The following LRP1 variants were observed in gnomAD, a reference collection of about 807,000 sequenced individuals.
LRP1 encodes prolow-density lipoprotein receptor-related protein 1.
LRP1 carries 51 observed loss-of-function variants against 541.5 expected under a neutral mutation model. That is an observed-to-expected ratio of 0.09 (90% confidence interval 0.08 to 0.12). The LOEUF (loss-of-function observed/expected upper bound fraction) is 0.12, where lower values mean the gene tolerates loss of function less well. LRP1 is among the 10% of genes least tolerant of loss of function. The pLI is 1.00. For synonymous variants in LRP1, 2,219 were observed against 2,470.8 expected (o/e 0.90, Z 3.02); for missense variants, 3,878 against 6,376.2 (o/e 0.61, Z 13.34).
chr12:57,196,999 C>T lies in LRP1; in HGVS notation c.8910C>T (p.Gly2970=). 1 of 1,612,372 alleles carries T rather than the reference C, an allele frequency of 6.2e-7. No homozygotes were observed. Residue 2970 remains glycine, a synonymous_variant, in exon 56 of 89, where the codon GGC becomes GGT. Transcript: ENST00000243077. The part of the protein sequence containing the change: ...KIGFKCRCRP[G]FRLKDDGRTC... Reference sequence around the variant, plus strand: ...GCCTGCAGTGCCGCTGTCGCCCTGGCTTCCGGCTGAAGGACGACGGCCGGA... The same window carrying T: ...GCCTGCAGTGCCGCTGTCGCCCTGGTTTCCGGCTGAAGGACGACGGCCGGA...
chr12:57,149,474 C>A, intron 6 of LRP1: 1 of 606,340 alleles, frequency 1.6e-6, no homozygotes. Context: ...CCAGCACTCC[C>A]CTTGCTGTTT....
chr12:57,209,380 C>A (rs565883580), intron 79 of LRP1, among the ~76,000 whole-genome samples, 181 bp downstream of exon 79: 1 of 152,244 alleles, frequency 6.6e-6, no homozygotes, highest in Admixed American at 6.5e-5. Context: ...AGGCCTGAGA[C>A]CCACCCTGAC....
intron 61 of LRP1, 84 bp downstream of exon 61, chr12:57,199,484 A>G (rs545842177): frequency 7.0e-7 from 1 of 1,438,600 alleles, no homozygotes; most frequent in East Asian, 2.3e-5. Context: ...CTTCTCTAGC[A>G]TTGACCAAGC....
chr12:57,211,187 G>A lies in LRP1; in HGVS notation c.12928G>A (p.Gly4310Ser), dbSNP rs1246062543. The A allele has an allele frequency of 2.5e-6, 4 of 1,614,070 alleles. No homozygotes were observed. The highest frequency in any genetic ancestry group is 1.7e-5 in the Admixed American group (1 of 60,014). Reference protein sequence around the residue: ...GDRCQYRQCSGYCENFGTCQM... With the variant: ...GDRCQYRQCSSYCENFGTCQM... Reference sequence around the variant, plus strand: ...CTCCCCAACCACAGGGCAGTGCTCTGGCTACTGTGAGAACTTTGGCACATG... The same window carrying A: ...CTCCCCAACCACAGGGCAGTGCTCTAGCTACTGTGAGAACTTTGGCACATG... The change falls in exon 84 of 89, where the codon GGC becomes AGC. Residue 4310 changes from glycine to serine, a missense_variant. Physicochemically the swap from Gly to Ser is moderately conservative, Grantham distance 56. Transcript: ENST00000243077. The surrounding 1 kb of genome is among the most constrained non-coding windows in gnomAD (Gnocchi z 4.3).
At position 57,165,581 on chromosome 12, in the gene LRP1, C is replaced by T. The variant is rs2035822398; in HGVS notation, c.2531-224C>T. The T allele has an allele frequency of 1.9e-6, 1 of 533,716 alleles. No individual in the cohort carries two copies. The highest frequency in any genetic ancestry group is 3.3e-6 in the Non-Finnish European group (1 of 298,734). The allele number at this position is 533,716 out of a possible 1,614,324, so 33.1% of individuals were successfully genotyped here. A position where few individuals can be genotyped will look rare whatever the true frequency, so the allele number is the denominator to read the frequency against. ...GACACCATTTGATTCTCAGGTCACACTGAAGTACAGTAAGCATTAAGTAGA... is the reference window on the plus strand; with the variant it reads ...GACACCATTTGATTCTCAGGTCACATTGAAGTACAGTAAGCATTAAGTAGA... On this transcript the variant is annotated intron_variant, in intron 15 of 88. Transcript: ENST00000243077. The surrounding 1 kb of genome is among the most constrained non-coding windows in gnomAD (Gnocchi z 4.5).
In LRP1 at chr12:57,194,457, T is replaced by C. The variant is rs760007090; in HGVS notation, c.8022T>C (p.Asp2674=). ...GCTACGCACCCAGCTGGGTGTGTGA[T>C]GGCGCCAATGACTGTGGGGACTACA... ...SLCYAPSWVC[D]GANDCGDYSD... The change falls in exon 49 of 89, where the codon GAT becomes GAC. Residue 2674 remains aspartate (D), a synonymous_variant. Transcript: ENST00000243077. 6.4e-7 allele frequency: 1 copy of C among 1,568,000 alleles called. No homozygotes were observed. The highest frequency in any genetic ancestry group is 8.7e-7 in the Non-Finnish European group (1 of 1,155,538).
chr12:57,210,460 C>T lies in LRP1; in HGVS notation c.12734C>T (p.Thr4245Ile), dbSNP rs781565834. Reference protein sequence around the residue: ...QCWEHCRNGGTCAASPSGMPT... With the variant: ...QCWEHCRNGGICAASPSGMPT... ...TGGGAGCACTGTCGCAATGGGGGCACCTGTGCTGCCTCCCCCTCTGGTATG... is the reference window on the plus strand; with the variant it reads ...TGGGAGCACTGTCGCAATGGGGGCATCTGTGCTGCCTCCCCCTCTGGTATG... The change falls in exon 82 of 89, where the codon ACC (threonine) becomes ATC (isoleucine). Residue 4245 changes from threonine (T) to isoleucine (I), a missense_variant. Thr to Ile is a moderately conservative substitution (Grantham distance 89, BLOSUM62 -1). Transcript: ENST00000243077. 4.6e-6 allele frequency: 7 copies of T among 1,533,354 alleles called. No individual in the cohort carries two copies. The Admixed American group carries it at 6.0e-5, about 13-fold the overall frequency. 95.0% of individuals were successfully genotyped at this position (1,533,354 alleles called of 1,614,324 possible).
In LRP1 at chr12:57,197,665, G is replaced by A; in HGVS notation, c.9282+1G>A. ...GCACCTTAACGGGAGCAATGTGCAG[G>A]TGAGGCGGGCGGCCCTCGGCGACCA... On this transcript the variant is annotated splice_donor_variant, in intron 58 of 88. Coordinates refer to ENST00000243077, the MANE Select transcript of LRP1 (RefSeq NM_002332.3). LOFTEE classifies it high-confidence loss of function. This position sits in a 1 kb window ranked among gnomAD's most constrained non-coding sequence, Gnocchi z 4.5. The A allele has an allele frequency of 6.2e-7, 1 of 1,613,008 alleles. No individual in the cohort carries two copies. The highest frequency in any genetic ancestry group is 8.5e-7 in the Non-Finnish European group (1 of 1,179,680).
At chr12:57,203,788 A>G in intron 70 of LRP1, 1 of 457,480 alleles carries the variant, frequency 2.2e-6, no homozygotes, top group Non-Finnish European at 3.8e-6. Context: ...GAAATCCAGC[A>G]AACCCTGAGG....
At chr12:57,167,824 G>A (rs1365193484) in intron 19 of LRP1, among the ~76,000 whole-genome samples, 2 of 152,230 alleles carry the variant, frequency 1.3e-5, no homozygotes. Flanking sequence ...CAGAGAGGCA[G>A]AGCAAGGAGA....
In LRP1 at chr12:57,178,686, G is replaced by T. The variant is rs1490288064; in HGVS notation, c.4606+83G>T. 6.3e-7 allele frequency: 1 copy of T among 1,588,846 alleles called. No individual in the cohort carries two copies. Among genetic ancestry groups the T allele is most frequent in the Non-Finnish European group, 8.6e-7 (1 of 1,165,542 alleles). On this transcript the variant is annotated intron_variant, in intron 27 of 88. Coordinates refer to ENST00000243077, the MANE Select transcript of LRP1 (RefSeq NM_002332.3). This position sits in a 1 kb window ranked among gnomAD's most constrained non-coding sequence, Gnocchi z 5.8. ...GTAGAAGCTCTTAGGAGAGGAGAGG[G>T]CAGTGAGAACAGGAGCAAGTCTGTG...
intron 6 of LRP1, chr12:57,149,174 A>G: frequency 2.3e-6 from 1 of 443,532 alleles, no homozygotes; most frequent in Non-Finnish European, 4.0e-6. Flanking sequence ...GCACTTCCAG[A>G]CTTCACATGT....
In LRP1 at chr12:57,197,682, C is replaced by T. The variant is rs367828796; in HGVS notation, c.9282+18C>T. 163 of 1,609,970 alleles carry T rather than the reference C, an allele frequency of 1.0e-4. No homozygotes were observed. Among genetic ancestry groups the T allele is most frequent in the South Asian group, 3.0e-4 (27 of 90,904 alleles). On this transcript the variant is annotated intron_variant, in intron 58 of 88. Coordinates refer to ENST00000243077, the MANE Select transcript of LRP1 (RefSeq NM_002332.3). The surrounding 1 kb of genome is among the most constrained non-coding windows in gnomAD (Gnocchi z 4.5). Reference sequence around the variant, plus strand: ...ATGTGCAGGTGAGGCGGGCGGCCCTCGGCGACCAACACTGGCCCGCCTCAG... The same window carrying T: ...ATGTGCAGGTGAGGCGGGCGGCCCTTGGCGACCAACACTGGCCCGCCTCAG...
At chr12:57,167,560 G>C in intron 19 of LRP1, 36 bp downstream of exon 19, 30 of 1,559,276 alleles carry the variant, frequency 1.9e-5, no homozygotes, top group Non-Finnish European at 2.6e-5. Flanking sequence ...TGATTCCTAA[G>C]ACAGCTAGAG....
rs1430941455 is a variant in LRP1, at chr12:57,180,010, G to A, written c.5142-37G>A. On this transcript the variant is annotated intron_variant, in intron 30 of 88. Coordinates refer to ENST00000243077, the MANE Select transcript of LRP1 (RefSeq NM_002332.3). ...ATGGGGTGTGGGGCTGGGAAGAAGA[G>A]GACCCTGACCTTTCCCTCTTGGCAC... 6.8e-6 allele frequency: 11 copies of A among 1,613,432 alleles called. No individual in the cohort carries two copies. In the East Asian group the frequency reaches 2.5e-4, roughly 36 times the overall value.
chr12:57,202,585 C>T, intron 68 of LRP1, 48 bp downstream of exon 68: 1 of 1,421,070 alleles, frequency 7.0e-7, no homozygotes, highest in Non-Finnish European at 9.5e-7. Context: ...CCAGGCCTGG[C>T]CCTTGTCTCG....
intron 67 of LRP1, 75 bp from the exon 68 acceptor site, chr12:57,202,346 C>G (rs544839233): frequency 1.7e-6 from 2 of 1,197,656 alleles, no homozygotes; most frequent in Admixed American, 1.7e-5. Flanking sequence ...GCCAGGCCAG[C>G]CTGACCATGC....
rs762906244 is a variant in LRP1, at chr12:57,210,721, T to C, written c.12758T>C (p.Met4253Thr). 1.2e-6 allele frequency: 2 copies of C among 1,607,972 alleles called. No homozygotes were observed. Among genetic ancestry groups the C allele is most frequent in the Non-Finnish European group, 1.7e-6 (2 of 1,175,554 alleles). ...CTCACACATCCTCTCCCACCAGGCA[T>C]GCCCACGTGCCGGTGCCCCACGGGC... ...GGTCAASPSG[M>T]PTCRCPTGFT... The change falls in exon 83 of 89, where the codon ATG (methionine) becomes ACG (threonine). Residue 4253 changes from methionine (M) to threonine (T), a missense_variant. Coordinates refer to ENST00000243077, the MANE Select transcript of LRP1 (RefSeq NM_002332.3).
chr12:57,177,695 G>A lies in LRP1; in HGVS notation c.4361+104G>A. 1 of 1,344,300 alleles carries A rather than the reference G, an allele frequency of 7.4e-7. No homozygotes were observed. The highest frequency in any genetic ancestry group is 1.0e-6 in the Non-Finnish European group (1 of 975,214). 83.3% of individuals were successfully genotyped at this position (1,344,300 alleles called of 1,614,324 possible). ...GTGATGAGAAGGACCAAGGGATCTA[G>A]AACTAGGAACGGTGGCAAAGGACTG... On this transcript the variant is annotated intron_variant, in intron 26 of 88. Transcript: ENST00000243077. This position sits in a 1 kb window ranked among gnomAD's most constrained non-coding sequence, Gnocchi z 6.8.
Sources: gnomAD v4.1 joint callset for allele counts (sites outside exome capture counted in the v4.1 genomes callset) on GRCh38, gnomAD v4.1.1 for gene constraint, Gnocchi (gnomAD v3.1) non-coding constraint, MANE v1.5 for transcripts, NCBI Gene and HGNC (gene_info 2026-07-23, HGNC 2026-07-21) for gene names.